Variants in TDRD12 observed in about 807,000 individuals in gnomAD.
TDRD12 encodes the protein putative ATP-dependent RNA helicase TDRD12.
In TDRD12, 158 loss-of-function variants were observed where a neutral mutation model predicts 133.5. The ratio of observed to expected loss-of-function variants is 1.18; its 90% confidence interval spans 1.04 to 1.35. TDRD12 has a LOEUF of 1.35. Ranked by LOEUF, TDRD12 falls within the 40% of genes most tolerant of loss-of-function variation. The probability of loss-of-function intolerance (pLI) is 0.00; values close to 1 mark genes in which losing one functional copy is unlikely to be tolerated. For synonymous variants in TDRD12, 460 were observed against 477.9 expected (o/e 0.96, Z 0.49); for missense variants, 1,443 against 1,321.3 (o/e 1.09, Z -1.43).
At chr19:32,808,691 C>A (rs1490130170) in intron 22 of TDRD12, among the ~76,000 whole-genome samples, 5 of 152,162 alleles carry the variant, frequency 3.3e-5, no homozygotes, top group Non-Finnish European at 7.3e-5. Flanking sequence ...ACCACCCAAC[C>A]CACTACGGTT....
chr19:32,720,971 C>A (rs1267825272), intron 1 of TDRD12, among the ~76,000 whole-genome samples: 2 of 151,920 alleles, frequency 1.3e-5, no homozygotes, highest in East Asian at 4.0e-4. Flanking sequence ...ATCACCCGGG[C>A]CAAGCGACAC....
At chr19:32,755,770 A>T (rs576475448) in intron 6 of TDRD12, among the ~76,000 whole-genome samples, 1 of 152,214 alleles carries the variant, frequency 6.6e-6, no homozygotes, top group African/African-American at 2.4e-5. Flanking sequence ...GTCCAAGAAG[A>T]CATCTCATGT....
intron 4 of TDRD12, among the ~76,000 whole-genome samples, chr19:32,745,045 C>T (rs942737675): frequency 2.6e-5 from 4 of 152,226 alleles, no homozygotes; most frequent in East Asian, 1.9e-4. Context: ...GAGGCCAATG[C>T]GCCCTACCAG....
intron 4 of TDRD12, among the ~76,000 whole-genome samples, chr19:32,747,863 T>G (rs1969699977): frequency 1.3e-5 from 2 of 151,936 alleles, no homozygotes; most frequent in South Asian, 4.2e-4. Context: ...AAAATTTTTT[T>G]TAATCGCTGA....
At position 32,815,502 on chromosome 19, in the gene TDRD12, C is replaced by T. The variant is rs759952931; in HGVS notation, c.3196C>T (p.Arg1066Ter). 71 of 1,536,296 alleles carry T rather than the reference C, an allele frequency of 4.6e-5. 1 individual carries two copies. Among genetic ancestry groups the T allele is most frequent in the South Asian group, 1.2e-4 (10 of 84,050 alleles). ...AACCTCTGTCATTGATTATAATGTT[C>T]GAGCTGAAATTTTGTCCATGGGCAT... is the stretch of plus-strand genomic sequence containing the variant. Residue 1066 changes from arginine (R) to a stop codon, truncating the protein, a stop_gained, in exon 26 of 28, where the codon CGA becomes TGA. Transcript: ENST00000444215. LOFTEE classifies it high-confidence loss of function.
intron 6 of TDRD12, among the ~76,000 whole-genome samples, chr19:32,755,676 C>T (rs892726827): frequency 2.0e-5 from 3 of 152,208 alleles, no homozygotes; most frequent in Admixed American, 2.0e-4. Flanking sequence ...ATGTAACAGT[C>T]TTTCCTTTGA....
intron 8 of TDRD12, among the ~76,000 whole-genome samples, chr19:32,770,747 C>A (rs1226429763): frequency 1.3e-5 from 2 of 151,992 alleles, no homozygotes. Flanking sequence ...ATAATTGTGC[C>A]CGTAGAGAAA....
chr19:32,772,820 C>A, exon 9 of TDRD12: 1 of 1,505,980 alleles, frequency 6.6e-7, no homozygotes, highest in Non-Finnish European at 8.9e-7. Context: ...AAAAGAAACA[C>A]CATTGCATCT....
At chr19:32,747,205 T>G (rs929483425) in intron 4 of TDRD12, among the ~76,000 whole-genome samples, 3 of 152,178 alleles carry the variant, frequency 2.0e-5, no homozygotes, top group African/African-American at 7.2e-5. Context: ...TAGATTGGGT[T>G]TTCTCTTGGG....
At chr19:32,799,017 C>T (rs1971309837) in intron 16 of TDRD12, among the ~76,000 whole-genome samples, 1 of 152,156 alleles carries the variant, frequency 6.6e-6, no homozygotes, top group Non-Finnish European at 1.5e-5. Flanking sequence ...ATTGGATATT[C>T]AACATAATTT....
intron 26 of TDRD12, 128 bp from the exon 27 acceptor site, chr19:32,817,961 C>T: frequency 1.5e-5 from 10 of 673,182 alleles, no homozygotes; most frequent in South Asian, 1.3e-4. Flanking sequence ...AGAAGCAGGC[C>T]TCTGTCTCAA....
chr19:32,787,397 C>T (rs932816211), intron 11 of TDRD12, among the ~76,000 whole-genome samples: 13 of 152,192 alleles, frequency 8.5e-5, no homozygotes, highest in African/African-American at 3.1e-4. Flanking sequence ...CTTGAGGAGG[C>T]AGTCTGTCCA....
downstream of TDRD12, among the ~76,000 whole-genome samples, chr19:32,822,703 C>T (rs12327661): frequency 0.17 from 25,539 of 148,868 alleles, 2,280 homozygotes; most frequent in East Asian, 0.2. Context: ...GCCAAGATCG[C>T]GCCACTGCAC....
intron 24 of TDRD12, among the ~76,000 whole-genome samples, chr19:32,812,413 A>G (rs769756828): frequency 2.0e-5 from 3 of 152,246 alleles, no homozygotes; most frequent in Non-Finnish European, 2.9e-5. Flanking sequence ...GTTAATTGCA[A>G]TTGGTAAAGT....
intron 8 of TDRD12, among the ~76,000 whole-genome samples, chr19:32,760,361 T>G (rs1970116743): frequency 6.6e-6 from 1 of 152,240 alleles, no homozygotes; most frequent in Non-Finnish European, 1.5e-5. Flanking sequence ...CTTTAATTAT[T>G]GTGAGAAGGT....
At chr19:32,756,134 C>A in exon 7 of TDRD12, 1 of 1,450,236 alleles carries the variant, frequency 6.9e-7, no homozygotes, top group Non-Finnish European at 9.0e-7. Flanking sequence ...CCAGCACTTA[C>A]ACTCTGGCCA....
intron 8 of TDRD12, among the ~76,000 whole-genome samples, chr19:32,760,484 A>T (rs184824853): frequency 2.0e-5 from 3 of 152,346 alleles, no homozygotes; most frequent in Non-Finnish European, 1.5e-5. Context: ...ACTTGATTAA[A>T]CAATCACATA....
At chr19:32,720,059 C>T (rs1968572205) in exon 1 of TDRD12, 3 of 1,548,176 alleles carry the variant, frequency 1.9e-6, no homozygotes, top group Non-Finnish European at 2.6e-6. Context: ...CATCTGCCCT[C>T]GGGCGCCAGG....
chr19:32,728,555 T>C (rs1968929581), intron 1 of TDRD12, among the ~76,000 whole-genome samples: 3 of 152,140 alleles, frequency 2.0e-5, no homozygotes, highest in Non-Finnish European at 1.5e-5. Context: ...CTTTCTAATC[T>C]TCCTGACAGT....
Sources: gnomAD v4.1 joint callset for allele counts (sites outside exome capture counted in the v4.1 genomes callset) on GRCh38, gnomAD v4.1.1 for gene constraint, MANE v1.5 for transcripts, NCBI Gene and HGNC (gene_info 2026-07-23, HGNC 2026-07-21) for gene names.